SS18: variants seen among roughly 807,000 people sequenced by gnomAD.
SS18 encodes the protein SS18 subunit of BAF chromatin remodeling complex.
In SS18, 28 loss-of-function variants were observed where a neutral mutation model predicts 72.5. The ratio of observed to expected loss-of-function variants is 0.39; its 90% CI spans 0.29 to 0.53. SS18 has a LOEUF of 0.53. Among genes scored for constraint, SS18 ranks in the 20% least tolerant of loss-of-function variants. The probability of loss-of-function intolerance (pLI) is 0.76; values close to 1 mark genes in which losing one functional copy is unlikely to be tolerated. For synonymous variants in SS18, 172 were observed against 164.2 expected, an observed-to-expected ratio of 1.05 and a Z score of -0.37; for missense variants, 518 against 535.3, an observed-to-expected ratio of 0.97 and a Z score of 0.32.
At chr18:26,090,753 T>G (rs891963336), upstream of SS18, 13 of 630,572 alleles carry the variant, frequency 2.1e-5, no homozygotes, top group Non-Finnish European at 3.3e-5. Context: ...ATGTCTCGCT[T>G]CTGCGCACTC....
chr18:26,072,096 G>A (rs1049981926), intron 3 of SS18, among the ~76,000 whole-genome samples: 1 of 152,088 alleles, frequency 6.6e-6, no homozygotes, highest in Non-Finnish European at 1.5e-5. Flanking sequence ...ACAACCACTT[G>A]TGGAAACATA....
At position 26,081,739 on chromosome 18, in the gene SS18, C is replaced by G. The variant is rs567867959; in HGVS notation, c.147-3579G>C. Among the ~76,000 whole-genome samples the G allele has an allele frequency of 5.3e-5, 8 of 151,984 alleles. No homozygotes were observed. In the East Asian group the frequency reaches 1.2e-3, roughly 22 times the overall value. On this transcript the variant is annotated intron_variant, in intron 2 of 10. Transcript: ENST00000415083. ...TTACGTTTCTCACTGAAACAGTTTA[C>G]TTTCTTAATGTTTTATTCCTAAAAC... is the stretch of plus-strand genomic sequence containing the variant.
At chr18:26,042,792 G>GA (rs1262406271) in intron 5 of SS18, among the ~76,000 whole-genome samples, 1 of 151,838 alleles carries the variant, frequency 6.6e-6, no homozygotes, top group Non-Finnish European at 1.5e-5. Context: ...TAGGTAGACT[G>GA]AAAAAAATAA....
intron 4 of SS18, among the ~76,000 whole-genome samples, chr18:26,054,346 C>A (rs935071857): frequency 3.9e-5 from 6 of 152,050 alleles, no homozygotes; most frequent in African/African-American, 1.4e-4. Context: ...AATATATATA[C>A]CTTTAACCCA....
intron 5 of SS18, among the ~76,000 whole-genome samples, chr18:26,047,355 T>C (rs957724710): frequency 1.3e-5 from 2 of 151,866 alleles, no homozygotes; most frequent in Admixed American, 6.6e-5. Flanking sequence ...AATAAAAATC[T>C]TCTCAGGCCT....
In SS18 at chr18:26,052,692, G is replaced by T. The variant is rs1165521780; in HGVS notation, c.539C>A (p.Thr180Lys). 1 of 1,614,120 alleles carries T rather than the reference G, an allele frequency of 6.2e-7. No homozygotes were observed. Residue 180 changes from threonine (T) to lysine (K), a missense_variant, in exon 5 of 11, where the codon ACA becomes AAA. By Grantham distance (78) the Thr-to-Lys change is moderately conservative. Coordinates refer to ENST00000415083, the MANE Select transcript of SS18 (RefSeq NM_001007559.3). ...TCCCATTGGTTGTCCCTGACTCATT[G>T]TCATCTGATTCTGTACTGGCATGCT... ...SQSMPVQNQM[T>K]MSQGQPMGNY...
chr18:26,070,359 T>C (rs904511124), intron 3 of SS18, among the ~76,000 whole-genome samples: 1 of 152,228 alleles, frequency 6.6e-6, no homozygotes, highest in African/African-American at 2.4e-5. Context: ...TCTATTTCTA[T>C]GCCATCTTGG....
intron 3 of SS18, among the ~76,000 whole-genome samples, chr18:26,074,277 G>GA (rs1251355311): frequency 2.0e-5 from 3 of 149,036 alleles, no homozygotes; most frequent in African/African-American, 7.4e-5. Context: ...AAAATGTAAT[G>GA]ATACAATTTA....
At chr18:26,073,166 C>T (rs2054347284) in intron 3 of SS18, among the ~76,000 whole-genome samples, 1 of 151,416 alleles carries the variant, frequency 6.6e-6, no homozygotes. Flanking sequence ...GCAATAAAGC[C>T]AGAAATCAAG....
In SS18 at chr18:26,052,708, C is replaced by G; in HGVS notation, c.523G>C (p.Val175Leu). The G allele has an allele frequency of 6.2e-7, 1 of 1,614,142 alleles. No homozygotes were observed. Among genetic ancestry groups the G allele is most frequent in the African/African-American group, 1.3e-5 (1 of 75,050 alleles). Residue 175 changes from valine (V) to leucine (L), a missense_variant, in exon 5 of 11, where the codon GTA becomes CTA. By Grantham distance (32) the Val-to-Leu change is conservative. Coordinates refer to ENST00000415083, the MANE Select transcript of SS18 (RefSeq NM_001007559.3). ...HSVPSSQSMP[V>L]QNQMTMSQGQ... ...TGACTCATTGTCATCTGATTCTGTACTGGCATGCTCTGTGATGATGGCACA... is the reference window on the plus strand; with the variant it reads ...TGACTCATTGTCATCTGATTCTGTAGTGGCATGCTCTGTGATGATGGCACA...
At chr18:26,067,206 A>G (rs1043041838) in intron 3 of SS18, among the ~76,000 whole-genome samples, 5 of 152,194 alleles carry the variant, frequency 3.3e-5, no homozygotes, top group African/African-American at 1.2e-4. Context: ...TTAAATATCA[A>G]AATGTTTTAA....
At chr18:26,024,322 G>A (rs1007632215) in intron 10 of SS18, among the ~76,000 whole-genome samples, 3 of 150,650 alleles carry the variant, frequency 2.0e-5, no homozygotes, top group African/African-American at 7.5e-5. Context: ...AGAGGGTGGT[G>A]ATGGCTGCAC....
At chr18:26,056,354 T>C (rs1291762374) in intron 4 of SS18, among the ~76,000 whole-genome samples, 1 of 152,240 alleles carries the variant, frequency 6.6e-6, no homozygotes, top group East Asian at 1.9e-4. Flanking sequence ...AAAAACAGTG[T>C]GTCCTGGTGA....
At chr18:26,068,816 T>C (rs1043807162) in intron 3 of SS18, among the ~76,000 whole-genome samples, 2 of 152,162 alleles carry the variant, frequency 1.3e-5, no homozygotes, top group African/African-American at 4.8e-5. Flanking sequence ...ATTTAACAGG[T>C]CAGACTTTTA....
At chr18:26,052,946 C>T (rs1247789728) in intron 4 of SS18, 101 bp from the exon 5 acceptor site, 3 of 864,338 alleles carry the variant, frequency 3.5e-6, no homozygotes, top group African/African-American at 3.4e-5. Flanking sequence ...TATAGTAATA[C>T]CAAACAATAA....
chr18:26,029,508 T>C (rs2053507217), intron 10 of SS18, among the ~76,000 whole-genome samples: 1 of 152,122 alleles, frequency 6.6e-6, no homozygotes, highest in Admixed American at 6.6e-5. Flanking sequence ...AGATATTAGA[T>C]ATATTTTGAA....
chr18:26,078,828 A>G (rs929629809), intron 2 of SS18, among the ~76,000 whole-genome samples: 24 of 152,222 alleles, frequency 1.6e-4, no homozygotes, highest in Non-Finnish European at 8.8e-5. Context: ...CAAAGGTTGC[A>G]GTGAGCCGAG....
chr18:26,028,726 T>TA (rs1159701600), intron 10 of SS18, among the ~76,000 whole-genome samples: 1 of 152,170 alleles, frequency 6.6e-6, no homozygotes, highest in African/African-American at 2.4e-5. Flanking sequence ...ACAGTTTAGT[T>TA]AAAAGATCAG....
At chr18:26,055,770 T>G (rs867935879) in intron 4 of SS18, among the ~76,000 whole-genome samples, 32 of 150,264 alleles carry the variant, frequency 2.1e-4, no homozygotes, top group Non-Finnish European at 3.6e-4. Context: ...TTTTTTGTTT[T>G]TTTTTTTTGA....
Sources: allele counts gnomAD v4.1 joint callset (sites outside exome capture counted in the v4.1 genomes callset), GRCh38; gene constraint gnomAD v4.1.1; transcripts MANE v1.5; gene names NCBI Gene and HGNC (gene_info 2026-07-23, HGNC 2026-07-21).